Variants in GLI3 observed in about 807,000 individuals in gnomAD.
GLI3 encodes the protein GLI family zinc finger 3.
GLI3 carries 20 observed loss-of-function variants against 100.8 expected under a neutral mutation model. That is an observed-to-expected ratio of 0.20 (90% CI 0.14 to 0.29). GLI3 has a LOEUF of 0.29. GLI3 is among the 10% of genes least tolerant of loss of function. The pLI, the probability that GLI3 is intolerant of heterozygous loss-of-function variation, is 1.00. For missense variants in GLI3, 2,040 were observed against 2,128.5 expected, an observed-to-expected ratio of 0.96 and a Z score of 0.82; for synonymous variants, 938 against 860.5, an observed-to-expected ratio of 1.09 and a Z score of -1.58.
intron 7 of GLI3, among the ~76,000 whole-genome samples, chr7:42,033,105 G>A (rs779770772): frequency 2.0e-5 from 3 of 152,104 alleles, no homozygotes; most frequent in Non-Finnish European, 4.4e-5. Context: ...CACAGAGCTG[G>A]GCAGGTAGGT....
intron 3 of GLI3, among the ~76,000 whole-genome samples, chr7:42,090,758 A>G (rs1785199967): frequency 6.6e-6 from 1 of 152,242 alleles, no homozygotes; most frequent in Admixed American, 6.5e-5. Context: ...AAAAAGTTAC[A>G]GCTACAAATA....
rs1386755208 is a variant in GLI3 at position 41,972,084 on chromosome 7, C to T, written c.2103+253G>A. The stretch of plus-strand genomic sequence containing the variant: ...CAGACACGCTGGAGAGACAGACAGT[C>T]GTGTCTTTCTTCCTTCCATGGCACA... On this transcript the variant is annotated intron_variant, in intron 13 of 14. Transcript: ENST00000395925. This position sits in a 1 kb window ranked among gnomAD's most constrained non-coding sequence, Gnocchi z 4.4. Among the ~76,000 whole-genome samples, 3 of 152,284 alleles carry T rather than the reference C, an allele frequency of 2.0e-5. No individual in the cohort carries two copies. The highest frequency in any genetic ancestry group is 3.9e-4 in the East Asian group (2 of 5,188).
chr7:42,182,656 A>ATATATATATATATACATGTGTG (rs1554337008), intron 2 of GLI3, among the ~76,000 whole-genome samples: 7 of 53,700 alleles, frequency 1.3e-4, no homozygotes, highest in African/African-American at 8.0e-4. Context: ...ATATATATAT[A>ATATATATATATATACATGTGTG]TATATATATA....
chr7:42,006,514 T>G (rs1240793838), intron 10 of GLI3, among the ~76,000 whole-genome samples: 1 of 152,184 alleles, frequency 6.6e-6, no homozygotes, highest in East Asian at 1.9e-4. Flanking sequence ...TTTATCAGCT[T>G]GTGAGCTTGG....
chr7:42,020,756 A>G (rs1038384122), intron 10 of GLI3, among the ~76,000 whole-genome samples: 6 of 151,920 alleles, frequency 3.9e-5, no homozygotes, highest in Admixed American at 6.6e-5. Flanking sequence ...CGGGCGTGGT[A>G]GCGGGCGCCT....
chr7:42,098,529 A>G (rs570275088), intron 3 of GLI3, among the ~76,000 whole-genome samples: 1 of 152,308 alleles, frequency 6.6e-6, no homozygotes, highest in South Asian at 2.1e-4. Flanking sequence ...ACATGACTCC[A>G]TATCTCTGAA....
intron 10 of GLI3, among the ~76,000 whole-genome samples, chr7:42,005,918 C>T (rs941148256): frequency 2.6e-5 from 4 of 152,070 alleles, no homozygotes; most frequent in Non-Finnish European, 5.9e-5. Flanking sequence ...ATGGGTATCT[C>T]ACATTATTCT....
chr7:42,072,363 C>T (rs993903191), intron 4 of GLI3, among the ~76,000 whole-genome samples: 1 of 152,120 alleles, frequency 6.6e-6, no homozygotes, highest in Non-Finnish European at 1.5e-5. Context: ...AAGAAAAATC[C>T]AAAATGAATG....
At chr7:42,178,994 G>A (rs1432043042) in intron 2 of GLI3, among the ~76,000 whole-genome samples, 2 of 152,196 alleles carry the variant, frequency 1.3e-5, no homozygotes, top group Non-Finnish European at 2.9e-5. Context: ...AGAAAAGGCA[G>A]TGGGCAGTAT....
chr7:41,980,054 A>G (rs1447025807), intron 10 of GLI3, among the ~76,000 whole-genome samples: 1 of 152,252 alleles, frequency 6.6e-6, no homozygotes, highest in African/African-American at 2.4e-5. Context: ...GTGAGGACAG[A>G]GAAAAGAAAT....
intron 10 of GLI3, among the ~76,000 whole-genome samples, chr7:41,995,472 T>C (rs940892397): frequency 2.0e-5 from 3 of 151,668 alleles, no homozygotes. Context: ...CACAGGAGGG[T>C]TTTCCTGATG....
At position 41,966,244 on chromosome 7, in the gene GLI3, C is replaced by A; in HGVS notation, c.2829G>T (p.Thr943=). ...TCATCCTCTCCATGTTGGGCAGGGG[C>A]GTCGGCGGCGGCCCTCCTGTGGCAG... ...YAAATGGPPP[T]PLPNMERMSL... Residue 943 remains threonine, a synonymous_variant, in exon 15 of 15, where the codon ACG becomes ACT. Coordinates refer to ENST00000395925, the MANE Select transcript of GLI3 (RefSeq NM_000168.6). The surrounding 1 kb of genome is among the most constrained non-coding windows in gnomAD (Gnocchi z 5.8). 3 of 1,608,354 alleles carry A rather than the reference C, an allele frequency of 1.9e-6. No homozygotes were observed. Among genetic ancestry groups the A allele is most frequent in the Non-Finnish European group, 2.5e-6 (3 of 1,179,074 alleles).
At position 42,137,410 on chromosome 7, in the gene GLI3, CA is replaced by C. The variant is rs375592630; in HGVS notation, c.367+10815del. ...TCAATCTCATCTCCCCCTACTGTCC[CA>C]ACCCCTGGCCAATGACCACATTGGC... On this transcript the variant is annotated intron_variant, in intron 3 of 14. Transcript: ENST00000395925. 5.6e-4 allele frequency among the ~76,000 whole-genome samples: 86 copies of C among 152,256 alleles called. No homozygotes were observed. The East Asian group carries it at 0.015, about 27-fold the overall frequency.
chr7:42,235,010 T>TC (rs1295874085), intron 1 of GLI3, among the ~76,000 whole-genome samples: 1 of 152,194 alleles, frequency 6.6e-6, no homozygotes, highest in African/African-American at 2.4e-5. Context: ...TTCAGATACT[T>TC]CACAGAGTTT....
chr7:42,132,011 A>G (rs1341536630), intron 3 of GLI3, among the ~76,000 whole-genome samples: 5 of 152,130 alleles, frequency 3.3e-5, no homozygotes, highest in African/African-American at 1.2e-4. Context: ...TGCCCCTGGG[A>G]CTAGGGTTGG....
At chr7:42,045,273 T>C in intron 6 of GLI3, 111 bp downstream of exon 6, 1 of 1,053,790 alleles carries the variant, frequency 9.5e-7, no homozygotes, top group Non-Finnish European at 1.5e-6. Flanking sequence ...TTCCACTTTC[T>C]CCTCCAGATC....
At chr7:42,234,506 G>A (rs936912310) in intron 1 of GLI3, among the ~76,000 whole-genome samples, 2 of 152,124 alleles carry the variant, frequency 1.3e-5, no homozygotes, top group African/African-American at 4.8e-5. Flanking sequence ...ACTCTACAGA[G>A]CCATTTTTCA....
intron 2 of GLI3, among the ~76,000 whole-genome samples, chr7:42,206,162 G>A (rs11983409): frequency 0.35 from 53,433 of 151,766 alleles, 9,713 homozygotes; most frequent in Middle Eastern, 0.49. Flanking sequence ...CAACTACTCA[G>A]TAAGCTGAGA....
At chr7:42,029,605 C>T (rs1345488073) in intron 7 of GLI3, among the ~76,000 whole-genome samples, 2 of 152,168 alleles carry the variant, frequency 1.3e-5, no homozygotes, top group African/African-American at 4.8e-5. Context: ...GGGAGTCCTG[C>T]ATCCTTTTGC....
Sources: gnomAD v4.1 joint callset for allele counts (sites outside exome capture counted in the v4.1 genomes callset) on GRCh38, gnomAD v4.1.1 for gene constraint, Gnocchi (gnomAD v3.1) non-coding constraint, MANE v1.5 for transcripts, NCBI Gene and HGNC (gene_info 2026-07-23, HGNC 2026-07-21) for gene names.